SGCZ: variants seen among roughly 807,000 people sequenced by gnomAD.
The protein encoded by SGCZ is sarcoglycan zeta, also known as zeta-sarcoglycan.
A neutral mutation model predicts 41.3 loss-of-function variants in SGCZ; 40 were observed. That is an observed-to-expected ratio of 0.97 (90% CI 0.75 to 1.26). SGCZ has a LOEUF of 1.26. Ranked by LOEUF, SGCZ falls within the 50% of genes most tolerant of loss-of-function variation. SGCZ has a pLI of 0.00. For synonymous variants in SGCZ, 206 were observed against 137.5 expected (o/e 1.50, Z -3.49); for missense variants, 552 against 369.8 (o/e 1.49, Z -4.04).
intron 2 of SGCZ, among the ~76,000 whole-genome samples, chr8:14,518,904 A>AT (rs922913246): frequency 1.2e-4 from 18 of 150,752 alleles, no homozygotes; most frequent in African/African-American, 3.9e-4. Flanking sequence ...CAAAAAAAAA[A>AT]AAAAAAATAC....
chr8:15,032,316 T>C (rs755535712), intron 1 of SGCZ, among the ~76,000 whole-genome samples: 6 of 152,152 alleles, frequency 3.9e-5, no homozygotes, highest in East Asian at 1.9e-4. Context: ...AAAAGACACA[T>C]TGAAGAGGTT....
In SGCZ at chr8:14,292,160, G is replaced by A. The variant is rs118191468; in HGVS notation, c.336+31943C>T. On this transcript the variant is annotated intron_variant, in intron 3 of 7. Transcript: ENST00000382080. ...AATGTAATAAAAACTTATTAAGTAC[G>A]AACTAGGAGCTAGATGCAAGACATA... 3.7e-3 allele frequency among the ~76,000 whole-genome samples: 559 copies of A among 152,092 alleles called. 1 individual carries two copies. The highest frequency in any genetic ancestry group is 0.016 in the East Asian group (82 of 5,166).
chr8:14,939,168 G>C (rs1474151115), intron 1 of SGCZ, among the ~76,000 whole-genome samples: 1 of 152,086 alleles, frequency 6.6e-6, no homozygotes. Flanking sequence ...TAGCTGGTTA[G>C]AATCAGATTC....
intron 2 of SGCZ, among the ~76,000 whole-genome samples, chr8:14,448,061 T>C (rs758087349): frequency 5.9e-5 from 9 of 152,166 alleles, no homozygotes; most frequent in Non-Finnish European, 1.3e-4. Flanking sequence ...AAAATGTGTA[T>C]TCTAAATGAA....
intron 1 of SGCZ, among the ~76,000 whole-genome samples, chr8:15,107,355 G>A (rs1040140531): frequency 2.0e-5 from 3 of 152,138 alleles, no homozygotes; most frequent in African/African-American, 7.2e-5. Context: ...GTAGGGCCTA[G>A]TAGGAACTTT....
intron 1 of SGCZ, among the ~76,000 whole-genome samples, chr8:14,989,117 C>T (rs1282367691): frequency 6.6e-6 from 1 of 152,040 alleles, no homozygotes; most frequent in African/African-American, 2.4e-5. Flanking sequence ...ACAGTAGAAA[C>T]CCCAGTTAAG....
At chr8:15,041,884 T>C (rs537220469) in intron 1 of SGCZ, among the ~76,000 whole-genome samples, 3 of 152,266 alleles carry the variant, frequency 2.0e-5, no homozygotes, top group South Asian at 2.1e-4. Context: ...ATATATTCTG[T>C]TGATTTTTAG....
chr8:14,135,715 C>T (rs550081390), intron 5 of SGCZ, among the ~76,000 whole-genome samples: 2 of 152,184 alleles, frequency 1.3e-5, no homozygotes, highest in African/African-American at 2.4e-5. Flanking sequence ...GAGAATTCTA[C>T]CAAACATCTA....
chr8:14,646,648 GATA>G (rs10560532), intron 1 of SGCZ, among the ~76,000 whole-genome samples: 16,348 of 151,778 alleles, frequency 0.11, 1,071 homozygotes, highest in African/African-American at 0.19. Context: ...TCTTTCCACA[GATA>G]ATAGTTTCCT....
intron 1 of SGCZ, among the ~76,000 whole-genome samples, chr8:14,618,606 A>C (rs1806183238): frequency 6.6e-6 from 1 of 152,328 alleles, no homozygotes; most frequent in African/African-American, 2.4e-5. Context: ...AAAAGACTTT[A>C]TCTTTTATTC....
At chr8:14,909,452 T>C (rs1799217746) in intron 1 of SGCZ, among the ~76,000 whole-genome samples, 1 of 152,148 alleles carries the variant, frequency 6.6e-6, no homozygotes, top group African/African-American at 2.4e-5. Context: ...TATATAAATT[T>C]TGTTTCTTTT....
intron 4 of SGCZ, among the ~76,000 whole-genome samples, chr8:14,204,881 T>C (rs1465579783): frequency 6.6e-6 from 1 of 152,140 alleles, no homozygotes; most frequent in Admixed American, 6.5e-5. Context: ...TTGGCTTTCC[T>C]GGTTCTGAGG....
Position 14,204,443 on chromosome 8 carries a change from T to G in SGCZ, c.424+33149A>C, listed in dbSNP as rs1805554878. ...ACTATGGGTGAATGTGAGTCCTTCC[T>G]AAGTCTTCCAAAACCATTGTTGACC... On this transcript the variant is annotated intron_variant, in intron 4 of 7. Coordinates refer to ENST00000382080, the MANE Select transcript of SGCZ (RefSeq NM_139167.4). Among the ~76,000 whole-genome samples, 4 of 152,302 alleles carry G rather than the reference T, an allele frequency of 2.6e-5. No individual in the cohort carries two copies. The South Asian group carries it at 8.3e-4, about 32-fold the overall frequency.
intron 1 of SGCZ, among the ~76,000 whole-genome samples, chr8:15,138,853 G>A (rs62499830): frequency 0.14 from 20,890 of 152,140 alleles, 1,936 homozygotes; most frequent in Non-Finnish European, 0.21. Context: ...GAACCAAAAG[G>A]AAGACTTGCT....
intron 2 of SGCZ, among the ~76,000 whole-genome samples, chr8:14,539,894 T>C (rs540600404): frequency 6.6e-6 from 1 of 151,972 alleles, no homozygotes; most frequent in Non-Finnish European, 1.5e-5. Flanking sequence ...CTTTGTTGGC[T>C]TGTTTGCTTT....
At chr8:14,510,129 T>G (rs935006941) in intron 2 of SGCZ, among the ~76,000 whole-genome samples, 18 of 152,138 alleles carry the variant, frequency 1.2e-4, no homozygotes, top group African/African-American at 4.1e-4. Flanking sequence ...AAAAGAAATT[T>G]CCTCTGCAAC....
chr8:15,034,965 T>G (rs1362751076), intron 1 of SGCZ, among the ~76,000 whole-genome samples: 3 of 152,176 alleles, frequency 2.0e-5, no homozygotes, highest in Non-Finnish European at 4.4e-5. Flanking sequence ...TTGGGAATTT[T>G]TTTAAGCTGA....
Position 14,855,653 on chromosome 8 carries a change from T to C in SGCZ, c.40-300727A>G, listed in dbSNP as rs75557495. Reference sequence around the variant, plus strand: ...ATCAAAAATACTTAAAGAAAACATATGGTCAAATTGTGGTTGTATTATTGC... The same window carrying C: ...ATCAAAAATACTTAAAGAAAACATACGGTCAAATTGTGGTTGTATTATTGC... On this transcript the variant is annotated intron_variant, in intron 1 of 7. Coordinates refer to ENST00000382080, the MANE Select transcript of SGCZ (RefSeq NM_139167.4). Among the ~76,000 whole-genome samples the C allele has an allele frequency of 5.3e-3, 809 of 152,258 alleles. 5 individuals are homozygous for C. Among genetic ancestry groups the C allele is most frequent in the African/African-American group, 0.018 (768 of 41,552 alleles).
chr8:15,174,738 T>C (rs1329516139), intron 1 of SGCZ, among the ~76,000 whole-genome samples: 2 of 152,224 alleles, frequency 1.3e-5, no homozygotes, highest in African/African-American at 4.8e-5. Flanking sequence ...TTGTTGCCAG[T>C]GTAATAGTAT....
Sources: allele counts gnomAD v4.1 joint callset (sites outside exome capture counted in the v4.1 genomes callset), GRCh38; gene constraint gnomAD v4.1.1; transcripts MANE v1.5; gene names NCBI Gene and HGNC (gene_info 2026-07-23, HGNC 2026-07-21).